Variants in ADGRG5 observed in about 807,000 individuals in gnomAD.
The protein encoded by ADGRG5 is G protein-coupled receptor 114.
Under a neutral mutation model 53.2 loss-of-function variants are expected in ADGRG5, and 37 were observed. The observed-to-expected ratio is 0.70, with a 90% CI of 0.53 to 0.91. ADGRG5 has a LOEUF of 0.91. Among genes scored for constraint, ADGRG5 ranks in the 40% least tolerant of loss-of-function variants. The probability of loss-of-function intolerance (pLI) is 0.00; values close to 1 mark genes in which losing one functional copy is unlikely to be tolerated. For synonymous variants in ADGRG5, 277 were observed against 290.4 expected, an observed-to-expected ratio of 0.95 and a Z score of 0.47; for missense variants, 614 against 675.8, an observed-to-expected ratio of 0.91 and a Z score of 1.01.
At chr16:57,554,374 CTT>C (rs1197786650) in intron 1 of ADGRG5, among the ~76,000 whole-genome samples, 5 of 145,616 alleles carry the variant, frequency 3.4e-5, no homozygotes, top group African/African-American at 1.3e-4. Flanking sequence ...ATAATTTTAT[CTT>C]TTTTTTTTTT....
chr16:57,568,212 A>T, intron 9 of ADGRG5, 88 bp downstream of exon 9: 1 of 1,356,382 alleles, frequency 7.4e-7, no homozygotes, highest in Non-Finnish European at 1.0e-6. Flanking sequence ...CCTCCTCCTC[A>T]TCGTCATAGT....
chr16:57,545,460 G>T (rs1278897990), intron 1 of ADGRG5, among the ~76,000 whole-genome samples: 1 of 152,320 alleles, frequency 6.6e-6, no homozygotes, highest in Non-Finnish European at 1.5e-5. Context: ...GCTGAGGTGG[G>T]AGGATCGCTT....
At chr16:57,562,199 C>G (rs755717553) in intron 2 of ADGRG5, 42 bp downstream of exon 2, 2 of 1,552,382 alleles carry the variant, frequency 1.3e-6, no homozygotes, top group Middle Eastern at 1.7e-4. Flanking sequence ...CTAGCCCAGT[C>G]GTGGGACTGT....
intron 1 of ADGRG5, among the ~76,000 whole-genome samples, chr16:57,554,870 T>C (rs776175981): frequency 6.6e-6 from 1 of 152,230 alleles, no homozygotes; most frequent in South Asian, 2.1e-4. Context: ...TGTGTTTTCA[T>C]TTTTATTCAG....
At chr16:57,566,517 C>T in intron 6 of ADGRG5, 82 bp from the exon 7 acceptor site, 1 of 1,219,416 alleles carries the variant, frequency 8.2e-7, no homozygotes, top group Non-Finnish European at 1.1e-6. Flanking sequence ...GCAGTTGAGT[C>T]ACCGTTGGCC....
intron 1 of ADGRG5, among the ~76,000 whole-genome samples, chr16:57,543,390 C>A (rs1381958230): frequency 7.1e-6 from 1 of 140,664 alleles, no homozygotes; most frequent in Non-Finnish European, 1.5e-5. Flanking sequence ...TCAAGCGATT[C>A]TCCTGCCTTA....
rs1241833713 is a variant in ADGRG5 at position 57,577,069 on chromosome 16, T to C, written c.*1531T>C. The C allele has an allele frequency of 6.6e-6, 1 of 152,232 alleles. No individual in the cohort carries two copies. The highest frequency in any genetic ancestry group is 1.9e-4 in the East Asian group (1 of 5,198). The allele number at this position is 152,232 out of a possible 1,614,324, so 9.4% of individuals were successfully genotyped here. On this transcript the variant is annotated 3_prime_UTR_variant, in exon 12 of 12. Transcript: ENST00000349457. ...AGCTGTGAGACTGTGGACAAACCAC[T>C]CAGCCTCTGTGTGCCTCAGTTTTCC...
intron 1 of ADGRG5, among the ~76,000 whole-genome samples, chr16:57,544,762 A>G (rs2032576050): frequency 6.6e-6 from 1 of 151,882 alleles, no homozygotes; most frequent in Non-Finnish European, 1.5e-5. Flanking sequence ...TGCCTCCCCA[A>G]ACCTTTCTGT....
Position 57,574,669 on chromosome 16 carries a change from C to T in ADGRG5, c.1209-146C>T, listed in dbSNP as rs930540561. ...TCTGATGGTGGCCTGGCTGGAAAGCCGGGTGAGGGGTTTCACTGTGTGTTC... is the reference window on the plus strand; with the variant it reads ...TCTGATGGTGGCCTGGCTGGAAAGCTGGGTGAGGGGTTTCACTGTGTGTTC... On this transcript the variant is annotated intron_variant, in intron 10 of 11. Transcript: ENST00000349457. This position sits in a 1 kb window ranked among gnomAD's most constrained non-coding sequence, Gnocchi z 4.4. 13 of 838,778 alleles carry T rather than the reference C, an allele frequency of 1.5e-5. No individual in the cohort carries two copies. The East Asian group carries it at 1.7e-4, about 11-fold the overall frequency. 52.0% of individuals were successfully genotyped at this position (838,778 alleles called of 1,614,324 possible).
At chr16:57,539,170 C>T (rs1477734244), upstream of ADGRG5, among the ~76,000 whole-genome samples, 1 of 152,282 alleles carries the variant, frequency 6.6e-6, no homozygotes, top group Middle Eastern at 3.4e-3. Flanking sequence ...GTCTGACACA[C>T]TACAACACGG....
chr16:57,567,823 C>G, intron 8 of ADGRG5, 33 bp from the exon 9 acceptor site: 9 of 1,591,826 alleles, frequency 5.7e-6, no homozygotes, highest in Non-Finnish European at 7.7e-6. Context: ...GGTGATGTCC[C>G]TGGGCCATGG....
At chr16:57,534,634 C>T in the ADGRG5 span, among the ~76,000 whole-genome samples, 1 of 152,164 alleles carries the variant, frequency 6.6e-6, no homozygotes, top group Non-Finnish European at 1.5e-5. Flanking sequence ...CAGCACAGGG[C>T]CCAGCATACA....
At chr16:57,539,178 C>T (rs1480978762), upstream of ADGRG5, among the ~76,000 whole-genome samples, 10 of 152,134 alleles carry the variant, frequency 6.6e-5, no homozygotes, top group Admixed American at 2.0e-4. Context: ...CACTACAACA[C>T]GGAGGAACCT....
chr16:57,533,336 C>T, the ADGRG5 span, among the ~76,000 whole-genome samples: 8 of 152,098 alleles, frequency 5.3e-5, no homozygotes, highest in African/African-American at 1.4e-4. Context: ...CCACCCCGCC[C>T]CCAGCACACC....
At chr16:57,538,813 A>C (rs1343793810), upstream of ADGRG5, among the ~76,000 whole-genome samples, 1 of 152,140 alleles carries the variant, frequency 6.6e-6, no homozygotes, top group African/African-American at 2.4e-5. Flanking sequence ...ACATGCCCTT[A>C]TTTACCTAGC....
intron 10 of ADGRG5, 59 bp downstream of exon 10, chr16:57,570,594 C>T (rs2033326071): frequency 8.2e-7 from 1 of 1,214,656 alleles, no homozygotes; most frequent in African/African-American, 1.5e-5. Context: ...CCACATGGGC[C>T]TGGGGCTCCA....
intron 1 of ADGRG5, among the ~76,000 whole-genome samples, chr16:57,556,768 G>C (rs7203634): frequency 6.6e-6 from 1 of 151,792 alleles, no homozygotes; most frequent in Admixed American, 6.6e-5. Context: ...TTCATTTCTT[G>C]GTTTAAGTCC....
At chr16:57,561,864 T>TA (rs141277240) in intron 1 of ADGRG5, among the ~76,000 whole-genome samples, 192 bp from the exon 2 acceptor site, 3,661 of 152,262 alleles carry the variant, frequency 0.024, 150 homozygotes, top group African/African-American at 0.08. Context: ...TCTGGAGTCT[T>TA]AGAGACCTGG....
In ADGRG5 at chr16:57,576,805, G is replaced by C. The variant is rs1047490916; in HGVS notation, c.*1267G>C. ...CACCCCAGACATAGCTGGCACCAGAGCAGGGTGCTCAGGTGGTGGGTGCTC... is the reference window on the plus strand; with the variant it reads ...CACCCCAGACATAGCTGGCACCAGACCAGGGTGCTCAGGTGGTGGGTGCTC... On this transcript the variant is annotated 3_prime_UTR_variant, in exon 12 of 12. Coordinates refer to ENST00000349457, the MANE Select transcript of ADGRG5 (RefSeq NM_001304376.3). 1 of 152,268 alleles carries C rather than the reference G, an allele frequency of 6.6e-6. No homozygotes were observed. The highest frequency in any genetic ancestry group is 6.5e-5 in the Admixed American group (1 of 15,288). 9.4% of individuals were successfully genotyped at this position (152,268 alleles called of 1,614,324 possible). A position where few individuals can be genotyped will look rare whatever the true frequency, so the allele number is the denominator to read the frequency against.
Sources: gnomAD v4.1 joint callset for allele counts (sites outside exome capture counted in the v4.1 genomes callset) on GRCh38, gnomAD v4.1.1 for gene constraint, Gnocchi (gnomAD v3.1) non-coding constraint, MANE v1.5 for transcripts, NCBI Gene and HGNC (gene_info 2026-07-23, HGNC 2026-07-21) for gene names.